NFAT5: variants seen among roughly 807,000 people sequenced by gnomAD.
The protein encoded by NFAT5 is nuclear factor of activated T-cells 5.
Under a neutral mutation model 166.5 loss-of-function variants are expected in NFAT5, and 31 were observed. The ratio of observed to expected loss-of-function variants is 0.19; its 90% confidence interval spans 0.14 to 0.25. NFAT5 has a LOEUF of 0.25. NFAT5 is among the 10% of genes least tolerant of loss of function. NFAT5 has a pLI of 1.00. For missense variants in NFAT5, 1,449 were observed against 1,821.8 expected (o/e 0.80, Z 3.72); for synonymous variants, 612 against 639.7 (o/e 0.96, Z 0.65).
chr16:69,678,441 C>T (rs549021560), intron 10 of NFAT5, among the ~76,000 whole-genome samples: 1 of 152,140 alleles, frequency 6.6e-6, no homozygotes, highest in East Asian at 2.0e-4. Context: ...TCTCAAATTC[C>T]TGACCTTGTG....
intron 2 of NFAT5, among the ~76,000 whole-genome samples, chr16:69,612,614 G>A (rs2033755003): frequency 6.6e-6 from 1 of 152,092 alleles, no homozygotes. Context: ...GGGAGATTGA[G>A]GCAGGAGGAC....
intron 2 of NFAT5, among the ~76,000 whole-genome samples, chr16:69,576,800 G>C (rs2016784293): frequency 6.6e-6 from 1 of 152,196 alleles, no homozygotes; most frequent in Admixed American, 6.5e-5. Context: ...AGGAGGTCAA[G>C]AAATACCTCT....
intron 9 of NFAT5, among the ~76,000 whole-genome samples, chr16:69,674,104 G>C (rs1465990773): frequency 1.3e-5 from 2 of 151,870 alleles, no homozygotes; most frequent in Non-Finnish European, 2.9e-5. Context: ...TTTGCTGGGT[G>C]TGGTGGCATA....
chr16:69,665,050 A>ACT (rs2036310404), intron 7 of NFAT5, among the ~76,000 whole-genome samples: 3 of 152,214 alleles, frequency 2.0e-5, no homozygotes, highest in African/African-American at 7.2e-5. Flanking sequence ...AAATAAGTAA[A>ACT]TAACTTAAAA....
At chr16:69,589,223 A>G (rs2032308826) in intron 2 of NFAT5, among the ~76,000 whole-genome samples, 1 of 151,438 alleles carries the variant, frequency 6.6e-6, no homozygotes, top group African/African-American at 2.4e-5. Flanking sequence ...TGAACTCCCA[A>G]CCTCAGGTGA....
chr16:69,595,405 C>A (rs1174640077), intron 2 of NFAT5, among the ~76,000 whole-genome samples: 5 of 152,112 alleles, frequency 3.3e-5, no homozygotes, highest in African/African-American at 1.2e-4. Flanking sequence ...TTAGGGGATC[C>A]CTTGTTGCTC....
chr16:69,591,949 A>G (rs1029949678), intron 2 of NFAT5, among the ~76,000 whole-genome samples: 10 of 152,164 alleles, frequency 6.6e-5, no homozygotes, highest in African/African-American at 2.4e-4. Flanking sequence ...AAAAATTACA[A>G]AAAGTCTTTC....
intron 2 of NFAT5, among the ~76,000 whole-genome samples, chr16:69,582,808 A>G (rs1239181146): frequency 6.6e-6 from 1 of 151,786 alleles, no homozygotes; most frequent in African/African-American, 2.4e-5. Context: ...GAGCCTTCCA[A>G]CTTTTTTTCT....
intron 2 of NFAT5, among the ~76,000 whole-genome samples, chr16:69,598,566 TTGGGATATGTTGAAATTGAGATGCTTA>T (rs2032943989): frequency 6.6e-6 from 1 of 151,878 alleles, no homozygotes; most frequent in South Asian, 2.1e-4. Flanking sequence ...TAAGTTCAGT[TTGGGATATGTTGAAATTGAGATGCTTA>T]TGGGATATTG....
At chr16:69,632,461 T>C (rs920908343) in intron 3 of NFAT5, 1 of 152,150 alleles carries the variant, frequency 6.6e-6, no homozygotes, top group Non-Finnish European at 1.5e-5. Context: ...AGGCAATGTA[T>C]AGAATATTGA....
At chr16:69,602,866 C>T (rs2033208223) in intron 2 of NFAT5, among the ~76,000 whole-genome samples, 1 of 151,988 alleles carries the variant, frequency 6.6e-6, no homozygotes, top group Non-Finnish European at 1.5e-5. Context: ...CCACCTCAGC[C>T]TCACAAAGTG....
chr16:69,693,101 T>C lies in NFAT5; in HGVS notation c.3276T>C (p.Pro1092=). ...ATTCACAGGCCCAACTTTTTCATCC[T>C]CAAAATCCTATTGCCGATGCTCAGA... ...SSHSQAQLFH[P]QNPIADAQNL... The change falls in exon 13 of 15, where the codon CCT becomes CCC. Residue 1092 remains proline, a synonymous_variant. Coordinates refer to ENST00000349945, the MANE Select transcript of NFAT5 (RefSeq NM_138713.4). 1.2e-6 allele frequency: 2 copies of C among 1,614,174 alleles called. No homozygotes were observed. Among genetic ancestry groups the C allele is most frequent in the Non-Finnish European group, 1.7e-6 (2 of 1,180,036 alleles).
Position 69,692,061 on chromosome 16 carries a change from G to A in NFAT5, c.2236G>A (p.Val746Met). 1 of 1,614,176 alleles carries A rather than the reference G, an allele frequency of 6.2e-7. No individual in the cohort carries two copies. Among genetic ancestry groups the A allele is most frequent in the Non-Finnish European group, 8.5e-7 (1 of 1,180,044 alleles). ...AGAGATATTACAGTCAGATGGTACAGTGGTTAATTTGTCACAACTGACTGA... is the reference window on the plus strand; with the variant it reads ...AGAGATATTACAGTCAGATGGTACAATGGTTAATTTGTCACAACTGACTGA... ...SREILQSDGT[V>M]VNLSQLTEAS... Residue 746 changes from valine to methionine, a missense_variant, in exon 13 of 15, where the codon GTG becomes ATG. Transcript: ENST00000349945.
intron 3 of NFAT5, among the ~76,000 whole-genome samples, chr16:69,634,374 TTAAAA>T (rs2034860925): frequency 6.6e-6 from 1 of 152,172 alleles, no homozygotes; most frequent in Non-Finnish European, 1.5e-5. Flanking sequence ...TTTCATAATT[TTAAAA>T]TCACTGGGTG....
At chr16:69,664,927 T>A (rs1407833269) in intron 7 of NFAT5, among the ~76,000 whole-genome samples, 2 of 152,084 alleles carry the variant, frequency 1.3e-5, no homozygotes, top group East Asian at 3.9e-4. Context: ...CTCGGGAGGA[T>A]GAGGCAAGAG....
intron 3 of NFAT5, chr16:69,644,895 A>G (rs2035370403): frequency 2.2e-6 from 1 of 450,056 alleles, no homozygotes; most frequent in African/African-American, 2.0e-5. Context: ...ATATAAGTTC[A>G]CAGCATTCAT....
chr16:69,648,448 A>G (rs1398544230), intron 4 of NFAT5: 39 of 983,796 alleles, frequency 4.0e-5, no homozygotes, highest in Admixed American at 6.2e-5. Context: ...TACAGAGTCG[A>G]TATTTTTTTT....
At position 69,655,720 on chromosome 16, in the gene NFAT5, A is replaced by G; in HGVS notation, c.1117A>G (p.Thr373Ala). The G allele has an allele frequency of 6.2e-7, 1 of 1,613,884 alleles. No homozygotes were observed. The highest frequency in any genetic ancestry group is 1.6e-4 in the Middle Eastern group (1 of 6,062). Residue 373 changes from threonine to alanine, a missense_variant, in exon 6 of 15, where the codon ACT (threonine) becomes GCT (alanine). By Grantham distance (58) the Thr-to-Ala change is moderately conservative (BLOSUM62 0). Transcript: ENST00000349945. ...CTGCAGAGTAACTGGACGAAATACA[A>G]CTCCTTGCAAAGAAGTGGACATTGA... ...QACRVTGRNT[T>A]PCKEVDIEGT...
In NFAT5 at chr16:69,669,961, T is replaced by C; in HGVS notation, c.1370-16T>C. The C allele has an allele frequency of 1.9e-6, 3 of 1,559,440 alleles. No homozygotes were observed. The highest frequency in any genetic ancestry group is 1.7e-4 in the Middle Eastern group (1 of 5,814). Reference sequence around the variant, plus strand: ...TTTGGTGGTTCTTCTTATAGAATGCTTATGTATCTCCACAGCTCAGCCAGC... The same window carrying C: ...TTTGGTGGTTCTTCTTATAGAATGCCTATGTATCTCCACAGCTCAGCCAGC... On this transcript the variant is annotated splice_polypyrimidine_tract_variant and intron_variant, in intron 7 of 14. Coordinates refer to ENST00000349945, the MANE Select transcript of NFAT5 (RefSeq NM_138713.4).
Sources: gnomAD v4.1 joint callset for allele counts (sites outside exome capture counted in the v4.1 genomes callset) on GRCh38, gnomAD v4.1.1 for gene constraint, MANE v1.5 for transcripts, NCBI Gene and HGNC (gene_info 2026-07-23, HGNC 2026-07-21) for gene names.